The following CNTN4 variants were observed in gnomAD, a reference collection of about 807,000 sequenced individuals.
CNTN4 encodes contactin 4, also known as contactin-4.
In CNTN4, 77 loss-of-function variants were observed where a neutral mutation model predicts 122.5. The observed-to-expected ratio is 0.63, with a 90% CI of 0.52 to 0.76. CNTN4 has a LOEUF of 0.76. Ranked by LOEUF, CNTN4 falls within the 30% of genes least tolerant of loss-of-function variation. The pLI is 0.00. For synonymous variants in CNTN4, 512 were observed against 447.0 expected, an observed-to-expected ratio of 1.15 and a Z score of -1.83; for missense variants, 1,256 against 1,259.1, an observed-to-expected ratio of 1.00 and a Z score of 0.04.
intron 4 of CNTN4, among the ~76,000 whole-genome samples, chr3:2,658,893 A>C (rs2083723039): frequency 6.6e-6 from 1 of 151,894 alleles, no homozygotes; most frequent in African/African-American, 2.4e-5. Flanking sequence ...CAAATCATGA[A>C]TCCATAAGAA....
chr3:2,239,321 G>T lies in CNTN4; in HGVS notation c.-144-99857G>T, dbSNP rs576415630. Among the ~76,000 whole-genome samples, 3 of 152,304 alleles carry T rather than the reference G, an allele frequency of 2.0e-5. No homozygotes were observed. The South Asian group carries it at 6.2e-4, about 32-fold the overall frequency. On this transcript the variant is annotated intron_variant, in intron 2 of 24. Coordinates refer to ENST00000418658, the MANE Select transcript of CNTN4 (RefSeq NM_175607.3). ...AAAGGATTACTGACCATTTAAGAAA[G>T]ATTAATTAATGAGTATAACATTGAG... is the stretch of plus-strand genomic sequence containing the variant.
At chr3:3,041,741 A>C (rs922994014) in intron 20 of CNTN4, among the ~76,000 whole-genome samples, 1 of 152,162 alleles carries the variant, frequency 6.6e-6, no homozygotes, top group Non-Finnish European at 1.5e-5. Context: ...GTGGGAGGAT[A>C]GCATGAGCCT....
At chr3:2,123,193 T>C (rs1175208060) in intron 2 of CNTN4, among the ~76,000 whole-genome samples, 1 of 152,188 alleles carries the variant, frequency 6.6e-6, no homozygotes, top group Non-Finnish European at 1.5e-5. Flanking sequence ...TGCATATGAT[T>C]TCTAATCTTT....
intron 12 of CNTN4, among the ~76,000 whole-genome samples, chr3:2,910,434 T>C (rs1044903515): frequency 6.6e-6 from 1 of 152,198 alleles, no homozygotes; most frequent in African/African-American, 2.4e-5. Flanking sequence ...ATATTTCCAA[T>C]AAATTTCTCA....
At chr3:2,192,215 C>G (rs2037603925) in intron 2 of CNTN4, among the ~76,000 whole-genome samples, 1 of 152,168 alleles carries the variant, frequency 6.6e-6, no homozygotes, top group Admixed American at 6.5e-5. Context: ...TTTATAGCAG[C>G]ATGATTTATA....
chr3:2,401,391 G>C (rs1174746414), intron 3 of CNTN4, among the ~76,000 whole-genome samples: 2 of 152,096 alleles, frequency 1.3e-5, no homozygotes, highest in Non-Finnish European at 2.9e-5. Context: ...CGTCCCTGCT[G>C]ACATTCAGAA....
intron 4 of CNTN4, among the ~76,000 whole-genome samples, chr3:2,692,897 A>G (rs2085819128): frequency 6.6e-6 from 1 of 151,430 alleles, no homozygotes; most frequent in African/African-American, 2.4e-5. Flanking sequence ...CTAATGACTA[A>G]ACCTTAAAGA....
intron 2 of CNTN4, among the ~76,000 whole-genome samples, chr3:2,254,156 T>A (rs539557148): frequency 3.3e-5 from 5 of 151,928 alleles, no homozygotes; most frequent in African/African-American, 1.2e-4. Flanking sequence ...TTTCTGTTCC[T>A]GTTTTAGTTT....
chr3:2,179,333 A>C (rs1158137575), intron 2 of CNTN4, among the ~76,000 whole-genome samples: 1 of 152,036 alleles, frequency 6.6e-6, no homozygotes, highest in African/African-American at 2.4e-5. Context: ...TTCTTTGAAT[A>C]AGGTAAAGCT....
chr3:2,680,600 A>G (rs954017217), intron 4 of CNTN4, among the ~76,000 whole-genome samples: 8 of 152,210 alleles, frequency 5.3e-5, no homozygotes. Flanking sequence ...AGCATATTTG[A>G]CAAACTTCAT....
rs111353800 is a variant in CNTN4 at position 2,206,278 on chromosome 3, T to C, written c.-145+105639T>C. On this transcript the variant is annotated intron_variant, in intron 2 of 24. Transcript: ENST00000418658. ...GTCAACTTATAAAAGAGCTCACTCA[T>C]CATGTCTAACTTTCTTTGACAGTAT... Among the ~76,000 whole-genome samples the C allele has an allele frequency of 5.2e-3, 790 of 152,242 alleles. 2 individuals are homozygous for C. Among genetic ancestry groups the C allele is most frequent in the African/African-American group, 0.017 (724 of 41,582 alleles).
intron 4 of CNTN4, among the ~76,000 whole-genome samples, chr3:2,692,393 T>C (rs928670823): frequency 6.6e-6 from 1 of 152,110 alleles, no homozygotes; most frequent in Non-Finnish European, 1.5e-5. Context: ...TACTTTCTCC[T>C]TGATGAAGTT....
At chr3:2,144,428 T>TA (rs2035147531) in intron 2 of CNTN4, among the ~76,000 whole-genome samples, 1 of 152,236 alleles carries the variant, frequency 6.6e-6, no homozygotes, top group Admixed American at 6.5e-5. Flanking sequence ...GGGATTTTCA[T>TA]AGAGTTTCTA....
intron 3 of CNTN4, among the ~76,000 whole-genome samples, chr3:2,451,666 A>T (rs969075889): frequency 6.6e-6 from 1 of 152,116 alleles, no homozygotes; most frequent in African/African-American, 2.4e-5. Context: ...AATCATTTTC[A>T]TGCAACATAT....
At chr3:2,384,741 C>A (rs1023004755) in intron 3 of CNTN4, among the ~76,000 whole-genome samples, 1 of 150,378 alleles carries the variant, frequency 6.6e-6, no homozygotes, top group African/African-American at 2.5e-5. Context: ...GCTCCTACAC[C>A]AGTAACAACT....
chr3:2,806,341 C>A (rs1269994969), intron 6 of CNTN4, among the ~76,000 whole-genome samples: 2 of 152,180 alleles, frequency 1.3e-5, no homozygotes, highest in Non-Finnish European at 2.9e-5. Flanking sequence ...AGATCAGGGA[C>A]CATGTTGGAT....
chr3:2,783,586 T>A (rs190080471), intron 6 of CNTN4, among the ~76,000 whole-genome samples: 1 of 152,352 alleles, frequency 6.6e-6, no homozygotes, highest in Non-Finnish European at 1.5e-5. Flanking sequence ...CTCAGCAGGA[T>A]CCAGCTTTTA....
intron 2 of CNTN4, among the ~76,000 whole-genome samples, chr3:2,307,098 TA>T (rs2042736915): frequency 6.6e-6 from 1 of 152,200 alleles, no homozygotes; most frequent in Admixed American, 6.5e-5. Context: ...TATTTTATTT[TA>T]TTTTTCCTAA....
intron 13 of CNTN4, among the ~76,000 whole-genome samples, chr3:2,949,454 C>T (rs2094714471): frequency 6.6e-6 from 1 of 152,172 alleles, no homozygotes; most frequent in Admixed American, 6.5e-5. Context: ...GGCCTTTTCC[C>T]ATTATTTGCA....
Sources: gnomAD v4.1 joint callset for allele counts (sites outside exome capture counted in the v4.1 genomes callset) on GRCh38, gnomAD v4.1.1 for gene constraint, MANE v1.5 for transcripts, NCBI Gene and HGNC (gene_info 2026-07-23, HGNC 2026-07-21) for gene names.